The following ARHGAP39 variants were observed in gnomAD, a reference collection of about 807,000 sequenced individuals.
The protein encoded by ARHGAP39 is Rho GTPase activating protein 39.
A neutral mutation model predicts 106.9 loss-of-function variants in ARHGAP39; 44 were observed. That is an observed-to-expected ratio of 0.41 (90% confidence interval 0.32 to 0.53). The LOEUF (loss-of-function observed/expected upper bound fraction) is 0.53, where lower values mean the gene tolerates loss of function less well. Ranked by LOEUF, ARHGAP39 falls within the 20% of genes least tolerant of loss-of-function variation. The pLI is 0.21. For synonymous variants in ARHGAP39, 768 were observed against 693.2 expected (o/e 1.11, Z -1.69); for missense variants, 1,496 against 1,577.3 (o/e 0.95, Z 0.87).
chr8:144,585,879 C>T lies in ARHGAP39; in HGVS notation c.81-4602G>A, dbSNP rs1819168181. On this transcript the variant is annotated intron_variant, in intron 2 of 11. Coordinates refer to ENST00000377307, the MANE Select transcript of ARHGAP39 (RefSeq NM_025251.3). This position sits in a 1 kb window ranked among gnomAD's most constrained non-coding sequence, Gnocchi z 4.6. ...GGGGCTGGACGGGTGCCCTGCCTTCCCCCTGGAGCCGGCTCTCCCCGAGGG... is the reference window on the plus strand; with the variant it reads ...GGGGCTGGACGGGTGCCCTGCCTTCTCCCTGGAGCCGGCTCTCCCCGAGGG... 6.6e-6 allele frequency among the ~76,000 whole-genome samples: 1 copy of T among 152,218 alleles called. No homozygotes were observed. Among genetic ancestry groups the T allele is most frequent in the Non-Finnish European group, 1.5e-5 (1 of 68,042 alleles).
At position 144,685,797 on chromosome 8, in the gene ARHGAP39, G is replaced by A. The variant is rs901655675; in HGVS notation, c.-193C>T. Among the ~76,000 whole-genome samples, 4 of 147,706 alleles carry A rather than the reference G, an allele frequency of 2.7e-5. No individual in the cohort carries two copies. Among genetic ancestry groups the A allele is most frequent in the East Asian group, 2.0e-4 (1 of 5,102 alleles). On this transcript the variant is annotated 5_prime_UTR_variant, in exon 1 of 12. Coordinates refer to ENST00000377307, the MANE Select transcript of ARHGAP39 (RefSeq NM_025251.3). The stretch of plus-strand genomic sequence containing the variant: ...TCTGCTGCTCCGCCGCTGCTGCCGC[G>A]GCAGCCCGTGCTGTCGGCGTCCTCC...
At chr8:144,686,892 C>T (rs62529936), upstream of ARHGAP39, among the ~76,000 whole-genome samples, 24,650 of 30,130 alleles carry the variant, frequency 0.82, 10,625 homozygotes, top group African/African-American at 0.85. Flanking sequence ...ACACTGGCGG[C>T]GAGCACTTCC....
the ARHGAP39 span, chr8:144,698,681 T>C: frequency 2.8e-6 from 1 of 355,820 alleles, no homozygotes; most frequent in Non-Finnish European, 5.6e-6. Context: ...AACCTATCTG[T>C]TCCATCCATA....
intron 3 of ARHGAP39, among the ~76,000 whole-genome samples, chr8:144,565,249 GC>G (rs1425017223): frequency 6.6e-6 from 1 of 152,204 alleles, no homozygotes; most frequent in African/African-American, 2.4e-5. Context: ...CTGCACTCCA[GC>G]CTGGGCAACG....
rs145792547 is a variant in ARHGAP39 at position 144,663,587 on chromosome 8, C to T, written c.-82+22099G>A. On this transcript the variant is annotated intron_variant, in intron 1 of 11. Transcript: ENST00000377307. ...ACAAACCACAGCCAACCACAGCAGCCTCCTTCCTGCTCCTAGGCCTCACGT... is the reference window on the plus strand; with the variant it reads ...ACAAACCACAGCCAACCACAGCAGCTTCCTTCCTGCTCCTAGGCCTCACGT... 2.0e-5 allele frequency among the ~76,000 whole-genome samples: 3 copies of T among 152,284 alleles called. No individual in the cohort carries two copies. The East Asian group carries it at 5.8e-4, about 29-fold the overall frequency.
At position 144,530,550 on chromosome 8, in the gene ARHGAP39, C is replaced by T. The variant is rs1241921970; in HGVS notation, c.3217G>A (p.Ala1073Thr). The T allele has an allele frequency of 1.9e-6, 3 of 1,611,910 alleles. No individual in the cohort carries two copies. Among genetic ancestry groups the T allele is most frequent in the Non-Finnish European group, 8.5e-7 (1 of 1,179,698 alleles). The change falls in exon 12 of 12, where the codon GCG becomes ACG. Residue 1073 changes from alanine to threonine, a missense_variant. Physicochemically the swap from Ala to Thr is moderately conservative, Grantham distance 58. This residue lies in a region of ARHGAP39 where 470 missense variants were observed against 605.1 expected (regional missense o/e 0.78). Transcript: ENST00000377307. Reference sequence around the variant, plus strand: ...GACTGGCAGCGCAAGCAGTTGGGCGCCATCACCATGGCCAGGTTGCTGACA... The same window carrying T: ...GACTGGCAGCGCAAGCAGTTGGGCGTCATCACCATGGCCAGGTTGCTGACA... ...MDVSNLAMVM[A>T]PNCLRCQSDD...
At chr8:144,629,420 G>A (rs141211120) in intron 1 of ARHGAP39, among the ~76,000 whole-genome samples, 25 of 152,324 alleles carry the variant, frequency 1.6e-4, no homozygotes, top group Non-Finnish European at 2.6e-4. Flanking sequence ...GAGACCTCCA[G>A]GGCTTGGCTG....
chr8:144,594,876 C>A (rs1409220859), intron 2 of ARHGAP39, among the ~76,000 whole-genome samples: 3 of 151,870 alleles, frequency 2.0e-5, no homozygotes, highest in Non-Finnish European at 4.4e-5. Context: ...CAGAGTGAGG[C>A]TCTGTCTGAA....
intron 1 of ARHGAP39, among the ~76,000 whole-genome samples, chr8:144,669,087 C>G (rs1231025538): frequency 1.3e-5 from 2 of 151,390 alleles, no homozygotes; most frequent in African/African-American, 4.9e-5. Flanking sequence ...ATCTCTCCAA[C>G]ACATGGTGCC....
chr8:144,572,304 G>A (rs1323140091), intron 3 of ARHGAP39, among the ~76,000 whole-genome samples: 1 of 152,070 alleles, frequency 6.6e-6, no homozygotes, highest in Non-Finnish European at 1.5e-5. Context: ...ACAGAACAGA[G>A]GCCTCAGAAA....
chr8:144,595,058 A>G (rs987081954), intron 2 of ARHGAP39, among the ~76,000 whole-genome samples: 7 of 152,226 alleles, frequency 4.6e-5, no homozygotes, highest in African/African-American at 1.7e-4. Flanking sequence ...AACCCCACAG[A>G]GTTACCACCT....
At chr8:144,640,871 C>T (rs762595384) in intron 1 of ARHGAP39, among the ~76,000 whole-genome samples, 5 of 152,146 alleles carry the variant, frequency 3.3e-5, no homozygotes, top group Non-Finnish European at 7.3e-5. Context: ...AAAACGAAGC[C>T]ACGTTTTCCG....
intron 3 of ARHGAP39, among the ~76,000 whole-genome samples, chr8:144,560,498 T>C (rs747975326): frequency 6.6e-6 from 1 of 152,230 alleles, no homozygotes; most frequent in Non-Finnish European, 1.5e-5. Context: ...GGTCAATATC[T>C]TCAAACACAT....
chr8:144,549,516 C>T (rs951391808), intron 4 of ARHGAP39, among the ~76,000 whole-genome samples: 28 of 152,176 alleles, frequency 1.8e-4, no homozygotes, highest in African/African-American at 6.3e-4. Context: ...TTTTTTGAGA[C>T]GGAGTCTTGC....
intron 2 of ARHGAP39, among the ~76,000 whole-genome samples, chr8:144,589,564 C>G (rs1378474275): frequency 2.6e-5 from 4 of 152,246 alleles, no homozygotes; most frequent in African/African-American, 7.2e-5. Flanking sequence ...CTCCAGCTCC[C>G]AAACGAGGCC....
At chr8:144,537,410 A>C (rs992500468) in intron 7 of ARHGAP39, among the ~76,000 whole-genome samples, 3 of 152,050 alleles carry the variant, frequency 2.0e-5, no homozygotes, top group South Asian at 4.1e-4. Context: ...GTCAGGCCCA[A>C]ACACTCACCT....
At chr8:144,545,190 C>T (rs1326176863) in intron 6 of ARHGAP39, 59 bp downstream of exon 6, 21 of 1,408,344 alleles carry the variant, frequency 1.5e-5, no homozygotes, top group Middle Eastern at 4.0e-4. Flanking sequence ...CCCAGCACAG[C>T]AGGAGCCCTC....
chr8:144,571,463 AC>A (rs1818584422), intron 3 of ARHGAP39, among the ~76,000 whole-genome samples: 1 of 152,200 alleles, frequency 6.6e-6, no homozygotes, highest in African/African-American at 2.4e-5. Flanking sequence ...CTCGCAATAA[AC>A]TAGGTATTGA....
At chr8:144,574,956 G>T (rs1446105680) in intron 3 of ARHGAP39, among the ~76,000 whole-genome samples, 1 of 152,218 alleles carries the variant, frequency 6.6e-6, no homozygotes, top group Non-Finnish European at 1.5e-5. Context: ...CATGCAGGCT[G>T]TAAGGCCTGC....
Sources: allele counts gnomAD v4.1 joint callset (sites outside exome capture counted in the v4.1 genomes callset), GRCh38; gene constraint gnomAD v4.1.1; regional missense constraint gnomAD v4.1.1; non-coding constraint Gnocchi (gnomAD v3.1); transcripts MANE v1.5; gene names NCBI Gene and HGNC (gene_info 2026-07-23, HGNC 2026-07-21).